TMEM255B: variants seen among roughly 807,000 people sequenced by gnomAD.
TMEM255B encodes family with sequence similarity 70, member B.
TMEM255B carries 35 observed loss-of-function variants against 34.5 expected under a neutral mutation model. The observed-to-expected ratio is 1.01, with a 90% CI of 0.77 to 1.34. The LOEUF is 1.34. Among genes scored for constraint, TMEM255B ranks in the 40% most tolerant of loss-of-function variants. The probability of loss-of-function intolerance (pLI) is 0.00; values close to 1 mark genes in which losing one functional copy is unlikely to be tolerated. For synonymous variants in TMEM255B, 206 were observed against 201.2 expected, an observed-to-expected ratio of 1.02 and a Z score of -0.20; for missense variants, 432 against 433.2, an observed-to-expected ratio of 1.00 and a Z score of 0.02.
Position 113,770,665 on chromosome 13 carries a change from A to C in TMEM255B, c.252+1505A>C, listed in dbSNP as rs2050463784. Among the ~76,000 whole-genome samples the C allele has an allele frequency of 6.6e-6, 1 of 150,782 alleles. No individual in the cohort carries two copies. On this transcript the variant is annotated intron_variant, in intron 3 of 8. Coordinates refer to ENST00000375353, the MANE Select transcript of TMEM255B (RefSeq NM_182614.4). This position sits in a 1 kb window ranked among gnomAD's most constrained non-coding sequence, Gnocchi z 4.6. ...AGGCCCGGCATTTCCTCTCCCACCC[A>C]CCCCCTGTTGTTGGCTCCCGAGGGT...
At chr13:113,775,961 G>C (rs2050570335) in intron 3 of TMEM255B, among the ~76,000 whole-genome samples, 1 of 152,236 alleles carries the variant, frequency 6.6e-6, no homozygotes, top group Non-Finnish European at 1.5e-5. Flanking sequence ...GGCATCGGCA[G>C]GTCTCTGTGT....
Position 113,815,970 on chromosome 13 carries a change from GA to G in TMEM255B, c.*4069del, listed in dbSNP as rs750689794. The G allele has an allele frequency of 4.9e-4, 79 of 162,414 alleles. No individual in the cohort carries two copies. The highest frequency in any genetic ancestry group is 1.1e-3 in the Admixed American group (17 of 15,314). The allele number at this position is 162,414 out of a possible 1,614,324, so 10.1% of individuals were successfully genotyped here. A position where few individuals can be genotyped will look rare whatever the true frequency, so the allele number is the denominator to read the frequency against. On this transcript the variant is annotated 3_prime_UTR_variant, in exon 9 of 9. Transcript: ENST00000375353. ...TCCAGAGAAGGCGTGTCCACAGACA[GA>G]AGCCGACTGGGAAAGGAGGTGCAGT...
At chr13:113,808,794 G>GC (rs1555302341) in intron 8 of TMEM255B, among the ~76,000 whole-genome samples, 5 of 102,922 alleles carry the variant, frequency 4.9e-5, no homozygotes, top group South Asian at 3.7e-4. Context: ...GTGGTTCCTG[G>GC]GGGGGGGGTT....
chr13:113,782,678 G>GT lies in TMEM255B; in HGVS notation c.253-12470_253-12469insT, dbSNP rs916878614. 2.2e-4 allele frequency among the ~76,000 whole-genome samples: 34 copies of GT among 151,428 alleles called. No homozygotes were observed. In the East Asian group the frequency reaches 3.7e-3, roughly 17 times the overall value. ...GATTTCCTCCTGTGATGGTCGGAGG[G>GT]GGGGGCTTCATTATGAGCCCCACCT... On this transcript the variant is annotated intron_variant, in intron 3 of 8. Coordinates refer to ENST00000375353, the MANE Select transcript of TMEM255B (RefSeq NM_182614.4).
intron 8 of TMEM255B, among the ~76,000 whole-genome samples, chr13:113,810,169 G>A (rs540609050): frequency 2.0e-5 from 3 of 152,092 alleles, no homozygotes; most frequent in Non-Finnish European, 2.9e-5. Flanking sequence ...TGCTGAACAC[G>A]CAGGCTCAGA....
At chr13:113,766,548 G>T in intron 2 of TMEM255B, 1 of 471,984 alleles carries the variant, frequency 2.1e-6, no homozygotes. Flanking sequence ...GTCACAGGGT[G>T]ACCAGAGGGC....
At position 113,806,515 on chromosome 13, in the gene TMEM255B, C is replaced by A. The variant is rs900641848; in HGVS notation, c.813+1487C>A. Among the ~76,000 whole-genome samples, 5 of 152,168 alleles carry A rather than the reference C, an allele frequency of 3.3e-5. No individual in the cohort carries two copies. The highest frequency in any genetic ancestry group is 5.9e-5 in the Non-Finnish European group (4 of 68,014). ...GGCCCTGCTCCCTGGGAACACAAGG[C>A]CCCTGCTGGAGGTCTGGCCTGGAAA... On this transcript the variant is annotated intron_variant, in intron 8 of 8. Transcript: ENST00000375353. The surrounding 1 kb of genome is among the most constrained non-coding windows in gnomAD (Gnocchi z 4.2).
chr13:113,774,941 A>G (rs1302490643), intron 3 of TMEM255B, among the ~76,000 whole-genome samples: 1 of 143,494 alleles, frequency 7.0e-6, no homozygotes, highest in Non-Finnish European at 1.5e-5. Context: ...CACCACACAC[A>G]CTGCACACAA....
intron 8 of TMEM255B, among the ~76,000 whole-genome samples, chr13:113,805,731 C>T (rs373869876): frequency 1.1e-3 from 161 of 152,322 alleles, no homozygotes; most frequent in African/African-American, 3.7e-3. Flanking sequence ...ATATCAGAGC[C>T]GCCGGTGTGA....
At chr13:113,793,040 G>A (rs1351470240) in intron 3 of TMEM255B, among the ~76,000 whole-genome samples, 1 of 152,238 alleles carries the variant, frequency 6.6e-6, no homozygotes, top group Admixed American at 6.5e-5. Flanking sequence ...AGGACCACTA[G>A]GGGCAAGTCC....
At chr13:113,811,039 T>A (rs1566338040) in intron 8 of TMEM255B, among the ~76,000 whole-genome samples, 1 of 152,054 alleles carries the variant, frequency 6.6e-6, no homozygotes, top group Non-Finnish European at 1.5e-5. Context: ...GTCCACCCCC[T>A]GCCCCATGCA....
At chr13:113,775,339 C>G (rs1319385986) in intron 3 of TMEM255B, among the ~76,000 whole-genome samples, 1 of 152,252 alleles carries the variant, frequency 6.6e-6, no homozygotes, top group Non-Finnish European at 1.5e-5. Flanking sequence ...CCCTGCTTAG[C>G]TTCTGCTCAG....
chr13:113,808,161 C>T (rs2138585343), intron 8 of TMEM255B, among the ~76,000 whole-genome samples: 1 of 152,088 alleles, frequency 6.6e-6, no homozygotes, highest in South Asian at 2.1e-4. Flanking sequence ...TCAGGGTGTT[C>T]CATGGAAGTC....
At chr13:113,776,499 C>A (rs1462889192) in intron 3 of TMEM255B, among the ~76,000 whole-genome samples, 1 of 152,258 alleles carries the variant, frequency 6.6e-6, no homozygotes, top group Non-Finnish European at 1.5e-5. Context: ...GGATCCCCAC[C>A]TGCTGCTGTC....
At chr13:113,796,631 G>A (rs114521530) in intron 4 of TMEM255B, among the ~76,000 whole-genome samples, 55 of 152,290 alleles carry the variant, frequency 3.6e-4, no homozygotes, top group African/African-American at 1.3e-3. Context: ...TCGTTTCTGT[G>A]TCCTCCTGAG....
intron 3 of TMEM255B, among the ~76,000 whole-genome samples, chr13:113,771,891 A>T (rs544009145): frequency 2.0e-5 from 3 of 152,294 alleles, no homozygotes; most frequent in African/African-American, 7.2e-5. Flanking sequence ...GCTGGGTCAT[A>T]CAGTAATGCT....
intron 7 of TMEM255B, among the ~76,000 whole-genome samples, chr13:113,804,411 T>C (rs9329349): frequency 0.082 from 12,449 of 152,108 alleles, 581 homozygotes; most frequent in Admixed American, 0.14. Flanking sequence ...AAAGCAGACT[T>C]TGGGGCCCGG....
At chr13:113,759,731 G>C (rs939414448) in intron 1 of TMEM255B, among the ~76,000 whole-genome samples, 1 of 152,228 alleles carries the variant, frequency 6.6e-6, no homozygotes, top group Non-Finnish European at 1.5e-5. Context: ...ACCATTTTCC[G>C]GGAAAACTTC....
intron 8 of TMEM255B, among the ~76,000 whole-genome samples, chr13:113,809,648 G>A (rs371561913): frequency 1.0e-4 from 15 of 148,588 alleles, no homozygotes; most frequent in East Asian, 4.1e-4. Flanking sequence ...GGTTTACTCC[G>A]TGGTTCCTGA....
Sources: allele counts gnomAD v4.1 joint callset (sites outside exome capture counted in the v4.1 genomes callset), GRCh38; gene constraint gnomAD v4.1.1; non-coding constraint Gnocchi (gnomAD v3.1); transcripts MANE v1.5; gene names NCBI Gene and HGNC (gene_info 2026-07-23, HGNC 2026-07-21).